Variants in SGK3 observed in about 807,000 individuals in gnomAD.
SGK3 encodes the protein serum/glucocorticoid regulated kinase family member 3.
In SGK3, 47 loss-of-function variants were observed where a neutral mutation model predicts 68.5. That is an observed-to-expected ratio of 0.69 (90% CI 0.54 to 0.87). The LOEUF is 0.87. Among genes scored for constraint, SGK3 ranks in the 40% least tolerant of loss-of-function variants. The pLI is 0.00. For missense variants in SGK3, 479 were observed against 575.5 expected, an observed-to-expected ratio of 0.83 and a Z score of 1.72; for synonymous variants, 181 against 189.1, an observed-to-expected ratio of 0.96 and a Z score of 0.35.
Position 66,840,246 on chromosome 8 carries a change from TAGTA to T in SGK3, c.891+4_891+7del. On this transcript the variant is annotated splice_donor_variant and splice_donor_region_variant and coding_sequence_variant and intron_variant, in exon 12 of 17. Coordinates refer to ENST00000521198, the MANE Select transcript of SGK3 (RefSeq NM_001033578.3). LOFTEE classifies it high-confidence loss of function. Reference sequence around the variant, plus strand: ...CCAGAAAATATTCTTTTGGATTCAGTAGTAAGTATTCTCTTTTAAAAATCTACTA... The same window carrying T: ...CCAGAAAATATTCTTTTGGATTCAGTAGTATTCTCTTTTAAAAATCTACTA... 6.3e-7 allele frequency: 1 copy of T among 1,577,674 alleles called. No individual in the cohort carries two copies. The highest frequency in any genetic ancestry group is 8.6e-7 in the Non-Finnish European group (1 of 1,164,698).
chr8:66,852,683 G>A (rs1810344251), intron 16 of SGK3, among the ~76,000 whole-genome samples: 1 of 152,104 alleles, frequency 6.6e-6, no homozygotes, highest in Non-Finnish European at 1.5e-5. Context: ...ATAGCTCATA[G>A]CTGGTATTAA....
chr8:66,812,052 A>T lies in SGK3; in HGVS notation c.254-1801A>T, dbSNP rs536154768. Among the ~76,000 whole-genome samples, 19 of 152,320 alleles carry T rather than the reference A, an allele frequency of 1.2e-4. No individual in the cohort carries two copies. The South Asian group carries it at 3.9e-3, about 32-fold the overall frequency. The stretch of plus-strand genomic sequence containing the variant: ...TTTATATTTGTTTATATTTGTATGA[A>T]GCCATACCTTACATTTAAGAAATGG... On this transcript the variant is annotated intron_variant, in intron 4 of 16. Transcript: ENST00000521198.
intron 1 of SGK3, among the ~76,000 whole-genome samples, chr8:66,722,168 A>G (rs1408396359): frequency 6.6e-6 from 1 of 152,212 alleles, no homozygotes; most frequent in Non-Finnish European, 1.5e-5. Flanking sequence ...GCCAGATGGT[A>G]TAGGAAGCTC....
At chr8:66,785,247 C>T (rs914641284) in intron 1 of SGK3, among the ~76,000 whole-genome samples, 8 of 152,228 alleles carry the variant, frequency 5.3e-5, no homozygotes, top group Non-Finnish European at 1.0e-4. Flanking sequence ...TTGAGGGCTA[C>T]GGTATGTGAG....
chr8:66,825,772 C>A (rs1809029301), intron 6 of SGK3, among the ~76,000 whole-genome samples: 1 of 152,150 alleles, frequency 6.6e-6, no homozygotes, highest in Admixed American at 6.6e-5. Flanking sequence ...AATTATACCT[C>A]ACCCTCAATT....
At chr8:66,760,572 G>T (rs967603772) in intron 1 of SGK3, among the ~76,000 whole-genome samples, 13 of 151,944 alleles carry the variant, frequency 8.6e-5, no homozygotes, top group African/African-American at 2.9e-4. Flanking sequence ...CTGACCTCAT[G>T]ATCCGTCCGC....
At chr8:66,793,038 C>T (rs143680036) in intron 1 of SGK3, among the ~76,000 whole-genome samples, 1 of 152,296 alleles carries the variant, frequency 6.6e-6, no homozygotes, top group East Asian at 1.9e-4. Flanking sequence ...TAACATACTA[C>T]ATTTATTTTG....
At chr8:66,827,361 G>A (rs557016642) in intron 6 of SGK3, among the ~76,000 whole-genome samples, 1 of 147,068 alleles carries the variant, frequency 6.8e-6, no homozygotes, top group Non-Finnish European at 1.5e-5. Flanking sequence ...CATCCAGCCT[G>A]GGCAACAAGA....
chr8:66,750,688 CAA>C (rs978365694), intron 1 of SGK3, among the ~76,000 whole-genome samples: 1 of 140,540 alleles, frequency 7.1e-6, no homozygotes, highest in Admixed American at 7.3e-5. Flanking sequence ...GATTCCATCT[CAA>C]AAAAAAAAGA....
At chr8:66,811,385 G>A (rs1006164354) in intron 4 of SGK3, among the ~76,000 whole-genome samples, 5 of 152,076 alleles carry the variant, frequency 3.3e-5, no homozygotes, top group African/African-American at 9.7e-5. Context: ...TTCTTCATTG[G>A]AGAGATTTTT....
chr8:66,804,708 G>A (rs1808081462), intron 4 of SGK3, among the ~76,000 whole-genome samples: 1 of 152,298 alleles, frequency 6.6e-6, no homozygotes, highest in South Asian at 2.1e-4. Flanking sequence ...ATAAAACACA[G>A]GTTCATTAAT....
chr8:66,767,233 A>G (rs1454094774), intron 1 of SGK3, among the ~76,000 whole-genome samples: 1 of 152,188 alleles, frequency 6.6e-6, no homozygotes, highest in Non-Finnish European at 1.5e-5. Flanking sequence ...TGGATTAAGC[A>G]TTATTATCCC....
chr8:66,842,350 A>G (rs533432562), intron 13 of SGK3, among the ~76,000 whole-genome samples: 15 of 151,462 alleles, frequency 9.9e-5, no homozygotes, highest in African/African-American at 3.6e-4. Context: ...CCCCCCGAGT[A>G]GCTGGGACTA....
At chr8:66,779,576 A>G (rs1167686740) in intron 1 of SGK3, among the ~76,000 whole-genome samples, 2 of 123,352 alleles carry the variant, frequency 1.6e-5, no homozygotes, top group African/African-American at 6.1e-5. Context: ...ATATATATAT[A>G]TATATATATA....
chr8:66,771,001 A>G (rs1263650685), intron 1 of SGK3, among the ~76,000 whole-genome samples: 2 of 152,162 alleles, frequency 1.3e-5, no homozygotes, highest in African/African-American at 4.8e-5. Context: ...CCTGATACCC[A>G]GTATCTTGAA....
At chr8:66,807,353 C>A (rs1262213750) in intron 4 of SGK3, among the ~76,000 whole-genome samples, 1 of 152,170 alleles carries the variant, frequency 6.6e-6, no homozygotes, top group Non-Finnish European at 1.5e-5. Flanking sequence ...TTAAGACAAT[C>A]ATTTCATCAA....
At chr8:66,752,170 AGGGT>A (rs1805837161) in intron 1 of SGK3, among the ~76,000 whole-genome samples, 1 of 152,200 alleles carries the variant, frequency 6.6e-6, no homozygotes, top group Admixed American at 6.5e-5. Context: ...ATGGGATGTC[AGGGT>A]GGAAGCTGAT....
chr8:66,744,527 T>TGTTGTTGTTG (rs764935660), intron 1 of SGK3, among the ~76,000 whole-genome samples: 16 of 97,806 alleles, frequency 1.6e-4, no homozygotes, highest in African/African-American at 7.0e-4. Flanking sequence ...ATATTTTTTT[T>TGTTGTTGTTG]TTTTTTTTTT....
chr8:66,816,281 C>A (rs563209389), intron 5 of SGK3, among the ~76,000 whole-genome samples: 1 of 150,762 alleles, frequency 6.6e-6, no homozygotes, highest in Non-Finnish European at 1.5e-5. Flanking sequence ...AGACTACAGG[C>A]GTGATAAACT....
Sources: allele counts gnomAD v4.1 joint callset (sites outside exome capture counted in the v4.1 genomes callset), GRCh38; gene constraint gnomAD v4.1.1; transcripts MANE v1.5; gene names NCBI Gene and HGNC (gene_info 2026-07-23, HGNC 2026-07-21).